MRPS27: variants seen among roughly 807,000 people sequenced by gnomAD.
MRPS27 encodes small ribosomal subunit protein mS27.
MRPS27 carries 43 observed loss-of-function variants against 48.9 expected under a neutral mutation model. The ratio of observed to expected loss-of-function variants is 0.88; its 90% CI spans 0.69 to 1.13. The LOEUF (loss-of-function observed/expected upper bound fraction) is 1.13. MRPS27 is among the 50% of genes most tolerant of loss of function. MRPS27 has a pLI of 0.00. For missense variants in MRPS27, 467 were observed against 476.3 expected (o/e 0.98, Z 0.18); for synonymous variants, 188 against 171.9 (o/e 1.09, Z -0.73).
chr5:72,298,724 C>CAAAAAAAAAAAAAAAAAAAA (rs4042799), intron 2 of MRPS27, among the ~76,000 whole-genome samples: 1 of 121,514 alleles, frequency 8.2e-6, no homozygotes, highest in Non-Finnish European at 1.6e-5. Context: ...AAAAAAAAAA[C>CAAAAAAAAAAAAAAAAAAAA]AAAAAAAAAA....
Position 72,309,823 on chromosome 5 carries a change from G to A in MRPS27, c.151+4258C>T, listed in dbSNP as rs146114641. On this transcript the variant is annotated intron_variant, in intron 2 of 10. Transcript: ENST00000261413. ...CGAACACGCCTTGCTGTATAACTAT[G>A]AGTCCATACTGGTCTGATCACTAGA... is the stretch of plus-strand genomic sequence containing the variant. 8.5e-5 allele frequency among the ~76,000 whole-genome samples: 13 copies of A among 152,312 alleles called. No homozygotes were observed. The East Asian group carries it at 1.5e-3, about 18-fold the overall frequency.
intron 5 of MRPS27, among the ~76,000 whole-genome samples, chr5:72,235,229 G>A (rs1445589137): frequency 6.6e-6 from 1 of 151,944 alleles, no homozygotes; most frequent in East Asian, 1.9e-4. Flanking sequence ...TAATCCCTAG[G>A]GCAGGCTAAA....
In MRPS27 at chr5:72,222,240, G is replaced by A. The variant is rs560276833; in HGVS notation, c.1006-1092C>T. 2.6e-5 allele frequency among the ~76,000 whole-genome samples: 4 copies of A among 152,362 alleles called. No individual in the cohort carries two copies. In the South Asian group the frequency reaches 8.3e-4, roughly 32 times the overall value. On this transcript the variant is annotated intron_variant, in intron 10 of 10. Coordinates refer to ENST00000261413, the MANE Select transcript of MRPS27 (RefSeq NM_015084.3). ...TGACAACGCTCTCCATGTGGGGTTT[G>A]AGGCCAACAAGACAGCTTGGGACAC...
chr5:72,286,675 A>G (rs1749681229), intron 4 of MRPS27, among the ~76,000 whole-genome samples: 1 of 152,204 alleles, frequency 6.6e-6, no homozygotes, highest in Non-Finnish European at 1.5e-5. Context: ...AAACAAATAT[A>G]AAAAATAAAT....
At chr5:72,246,836 C>T (rs1464493444) in intron 4 of MRPS27, among the ~76,000 whole-genome samples, 2 of 151,258 alleles carry the variant, frequency 1.3e-5, no homozygotes, top group Non-Finnish European at 2.9e-5. Context: ...TAAATTAGAC[C>T]CCTCACTTTC....
Position 72,259,390 on chromosome 5 carries a change from T to C in MRPS27, c.282-21262A>G, listed in dbSNP as rs145329022. 5.1e-3 allele frequency among the ~76,000 whole-genome samples: 759 copies of C among 147,684 alleles called. 3 individuals are homozygous for C. The highest frequency in any genetic ancestry group is 0.018 in the African/African-American group (729 of 39,804). Reference sequence around the variant, plus strand: ...GGCTGAGGTAGGAGAATTGCTTGAATCCGGGAAGCAGAGGTTGCAGTGAGC... The same window carrying C: ...GGCTGAGGTAGGAGAATTGCTTGAACCCGGGAAGCAGAGGTTGCAGTGAGC... On this transcript the variant is annotated intron_variant, in intron 4 of 10. Transcript: ENST00000261413.
rs968905841 is a variant in MRPS27, at chr5:72,295,431, C to T, written c.281+100G>A. 11 of 821,988 alleles carry T rather than the reference C, an allele frequency of 1.3e-5. No homozygotes were observed. In the African/African-American group the frequency reaches 1.9e-4, roughly 14 times the overall value. 50.9% of individuals were successfully genotyped at this position (821,988 alleles called of 1,614,324 possible). On this transcript the variant is annotated intron_variant, in intron 4 of 10. Transcript: ENST00000261413. Reference sequence around the variant, plus strand: ...TATGAAAAGATCTTTAAAATATAAACTTAGAAGGTGTCAAAATTATACACA... The same window carrying T: ...TATGAAAAGATCTTTAAAATATAAATTTAGAAGGTGTCAAAATTATACACA...
intron 4 of MRPS27, among the ~76,000 whole-genome samples, chr5:72,260,213 TA>T (rs1271025898): frequency 6.6e-6 from 1 of 152,250 alleles, no homozygotes; most frequent in African/African-American, 2.4e-5. Context: ...TTTTGACATT[TA>T]TGCCATGCTT....
chr5:72,284,905 T>A (rs910187029), intron 4 of MRPS27, among the ~76,000 whole-genome samples: 1 of 152,224 alleles, frequency 6.6e-6, no homozygotes, highest in African/African-American at 2.4e-5. Context: ...CTTCTATTGA[T>A]GGACGTAATC....
chr5:72,295,699 G>A, intron 3 of MRPS27, 110 bp from the exon 4 acceptor site: 2 of 766,940 alleles, frequency 2.6e-6, no homozygotes, highest in Admixed American at 4.5e-5. Flanking sequence ...CCATTTTATT[G>A]GAACGATGGT....
chr5:72,267,120 C>T (rs74819551), intron 4 of MRPS27, among the ~76,000 whole-genome samples: 2,957 of 152,188 alleles, frequency 0.019, 105 homozygotes, highest in African/African-American at 0.066. Flanking sequence ...GATAAGAAAA[C>T]TGAGGTCAGC....
At chr5:72,272,086 C>G (rs540155546) in intron 4 of MRPS27, among the ~76,000 whole-genome samples, 209 of 152,306 alleles carry the variant, frequency 1.4e-3, no homozygotes, top group African/African-American at 4.7e-3. Context: ...GATTCCCCCC[C>G]CATCTCCTGC....
At chr5:72,278,790 G>A (rs575697185) in intron 4 of MRPS27, among the ~76,000 whole-genome samples, 58 of 152,144 alleles carry the variant, frequency 3.8e-4, no homozygotes, top group Admixed American at 1.2e-3. Context: ...GTGTATGTGT[G>A]TATAGATATG....
chr5:72,235,512 A>G (rs1212346854), intron 5 of MRPS27, among the ~76,000 whole-genome samples: 1 of 152,138 alleles, frequency 6.6e-6, no homozygotes, highest in Admixed American at 6.6e-5. Context: ...TTGGGTGACA[A>G]CGGTTTGTCA....
intron 7 of MRPS27, among the ~76,000 whole-genome samples, chr5:72,231,625 T>A (rs1158330288): frequency 6.6e-6 from 1 of 152,164 alleles, no homozygotes. Context: ...GTGGGGTATA[T>A]CATAAGACTA....
chr5:72,289,223 G>A (rs1474440292), intron 4 of MRPS27, among the ~76,000 whole-genome samples: 1 of 152,114 alleles, frequency 6.6e-6, no homozygotes, highest in Non-Finnish European at 1.5e-5. Flanking sequence ...GAATGTGTTG[G>A]CAGTACACAG....
chr5:72,312,180 G>A (rs1290411514), intron 2 of MRPS27, among the ~76,000 whole-genome samples: 1 of 151,968 alleles, frequency 6.6e-6, no homozygotes, highest in Non-Finnish European at 1.5e-5. Context: ...CAAATTAAAA[G>A]ATTAAAAAAA....
At chr5:72,320,014 C>A in intron 1 of MRPS27, 135 bp downstream of exon 1, 1 of 830,300 alleles carries the variant, frequency 1.2e-6, no homozygotes. Context: ...TCTCCTTCTT[C>A]TGCACTACCA....
intron 1 of MRPS27, among the ~76,000 whole-genome samples, chr5:72,315,822 T>C (rs779945132): frequency 6.6e-6 from 1 of 152,168 alleles, no homozygotes; most frequent in Non-Finnish European, 1.5e-5. Context: ...ATTTGGTAGC[T>C]CCTCAAAATG....
Sources: gnomAD v4.1 joint callset for allele counts (sites outside exome capture counted in the v4.1 genomes callset) on GRCh38, gnomAD v4.1.1 for gene constraint, MANE v1.5 for transcripts, NCBI Gene and HGNC (gene_info 2026-07-23, HGNC 2026-07-21) for gene names.